SAMMSON: variants seen among roughly 807,000 people sequenced by gnomAD.
The protein encoded by SAMMSON is long intergenic non-protein coding RNA 1212.
intron 3 of SAMMSON, among the ~76,000 whole-genome samples, chr3:70,063,566 G>A (rs745610632): frequency 6.6e-6 from 1 of 152,090 alleles, no homozygotes; most frequent in Non-Finnish European, 1.5e-5. Context: ...TCTTTGAGCA[G>A]CCCTTCCCCC....
At chr3:70,164,401 T>C (rs1432573395) in intron 4 of SAMMSON, among the ~76,000 whole-genome samples, 1 of 151,976 alleles carries the variant, frequency 6.6e-6, no homozygotes, top group Non-Finnish European at 1.5e-5. Flanking sequence ...CAGAGAACAA[T>C]ATAAAATTTC....
At chr3:70,001,137 G>A (rs546391487) in intron 1 of SAMMSON, among the ~76,000 whole-genome samples, 1 of 151,854 alleles carries the variant, frequency 6.6e-6, no homozygotes, top group Non-Finnish European at 1.5e-5. Context: ...AACAATCCCC[G>A]AACTTCTTAA....
chr3:70,333,397 AATGGTT>A (rs1228087113), intron 7 of SAMMSON, among the ~76,000 whole-genome samples: 1 of 152,220 alleles, frequency 6.6e-6, no homozygotes, highest in East Asian at 1.9e-4. Context: ...TAAATATTCA[AATGGTT>A]ATATACACAC....
chr3:70,314,816 T>C (rs1702484562), intron 7 of SAMMSON, among the ~76,000 whole-genome samples: 1 of 152,310 alleles, frequency 6.6e-6, no homozygotes, highest in Non-Finnish European at 1.5e-5. Context: ...AGGCAGAGAA[T>C]CCATTCCTAC....
intron 1 of SAMMSON, chr3:70,009,199 GT>G (rs1217586848): frequency 1.3e-5 from 2 of 152,136 alleles, no homozygotes; most frequent in Non-Finnish European, 2.9e-5. Context: ...GATTGGAATA[GT>G]TTCAGAAGGA....
At chr3:70,031,813 G>A (rs1427870647) in intron 3 of SAMMSON, among the ~76,000 whole-genome samples, 2 of 152,178 alleles carry the variant, frequency 1.3e-5, no homozygotes, top group African/African-American at 4.8e-5. Context: ...GACAGAGTTT[G>A]TAATGGCAGA....
At chr3:70,190,539 C>T (rs1243676036) in intron 4 of SAMMSON, among the ~76,000 whole-genome samples, 2 of 152,184 alleles carry the variant, frequency 1.3e-5, no homozygotes, top group Admixed American at 6.5e-5. Context: ...TTGGTCTCAC[C>T]ATTGCTTTGA....
intron 4 of SAMMSON, among the ~76,000 whole-genome samples, chr3:70,144,639 T>A (rs554913491): frequency 2.0e-5 from 3 of 152,264 alleles, no homozygotes; most frequent in South Asian, 4.1e-4. Flanking sequence ...GTAGCTCCCA[T>A]AATTCCCATA....
At chr3:70,207,053 A>G (rs79947973) in intron 4 of SAMMSON, among the ~76,000 whole-genome samples, 30,881 of 146,040 alleles carry the variant, frequency 0.21, 3,694 homozygotes, top group Non-Finnish European at 0.28. Context: ...TTTTTTTGGT[A>G]ATAAGTAGGG....
intron 6 of SAMMSON, among the ~76,000 whole-genome samples, chr3:70,288,688 A>G (rs983249273): frequency 1.3e-5 from 2 of 151,772 alleles, no homozygotes; most frequent in Admixed American, 6.6e-5. Flanking sequence ...TAATGTGTGG[A>G]AGTCTAAGTC....
intron 2 of SAMMSON, chr3:70,013,370 A>C (rs2066966971): frequency 6.6e-6 from 1 of 152,180 alleles, no homozygotes; most frequent in African/African-American, 2.4e-5. Context: ...AGCATTTGGC[A>C]CATAGTAAGT....
At chr3:70,355,218 C>T (rs1012058709) in intron 8 of SAMMSON, among the ~76,000 whole-genome samples, 1 of 152,030 alleles carries the variant, frequency 6.6e-6, no homozygotes, top group African/African-American at 2.4e-5. Flanking sequence ...GCATCCCATG[C>T]AACCAATCAG....
intron 7 of SAMMSON, among the ~76,000 whole-genome samples, chr3:70,328,291 C>T (rs7619525): frequency 6.6e-6 from 1 of 151,942 alleles, no homozygotes; most frequent in East Asian, 1.9e-4. Flanking sequence ...AAAATTACCA[C>T]GTACCCAAAG....
chr3:70,126,384 G>T, intron 4 of SAMMSON: 1 of 917,834 alleles, frequency 1.1e-6, no homozygotes, highest in Non-Finnish European at 1.7e-6. Flanking sequence ...TGCCTTTATA[G>T]CTGCTTTTTA....
chr3:70,226,316 G>A (rs2037387274), intron 4 of SAMMSON, among the ~76,000 whole-genome samples: 1 of 152,154 alleles, frequency 6.6e-6, no homozygotes, highest in South Asian at 2.1e-4. Flanking sequence ...CATTTTAATA[G>A]CATGTGATGA....
chr3:70,152,587 A>G (rs74797254), intron 4 of SAMMSON, among the ~76,000 whole-genome samples: 5,896 of 152,126 alleles, frequency 0.039, 171 homozygotes, highest in South Asian at 0.098. Flanking sequence ...CTCTGTCACC[A>G]TCACTAAAAG....
intron 9 of SAMMSON, among the ~76,000 whole-genome samples, chr3:70,372,440 TA>T (rs1406931423): frequency 5.9e-5 from 9 of 151,994 alleles, no homozygotes; most frequent in African/African-American, 2.2e-4. Context: ...GCCTCCTGAG[TA>T]GCAGGGATTA....
chr3:70,324,159 CTA>C (rs1559563908), intron 7 of SAMMSON, among the ~76,000 whole-genome samples: 11 of 133,504 alleles, frequency 8.2e-5, no homozygotes, highest in African/African-American at 1.9e-4. Context: ...ATCTCTCTAT[CTA>C]TCTATCTATC....
chr3:70,333,164 C>G (rs1259303699), intron 7 of SAMMSON, among the ~76,000 whole-genome samples: 1 of 151,970 alleles, frequency 6.6e-6, no homozygotes, highest in Non-Finnish European at 1.5e-5. Flanking sequence ...GGACTACTAG[C>G]CATTCCCCAC....
Sources: gnomAD v4.1 joint callset for allele counts (sites outside exome capture counted in the v4.1 genomes callset) on GRCh38, gnomAD v4.1.1 for gene constraint, MANE v1.5 for transcripts, NCBI Gene and HGNC (gene_info 2026-07-23, HGNC 2026-07-21) for gene names.